SETD5: variants seen among roughly 807,000 people sequenced by gnomAD.
SETD5 encodes the protein histone-lysine N-methyltransferase SETD5.
In SETD5, 44 loss-of-function variants were observed where a neutral mutation model predicts 153.3. The ratio of observed to expected loss-of-function variants is 0.29; its 90% CI spans 0.23 to 0.37. SETD5 has a LOEUF of 0.37. SETD5 is among the 10% of genes least tolerant of loss of function. The pLI is 1.00. For synonymous variants in SETD5, 716 were observed against 645.2 expected (o/e 1.11, Z -1.66); for missense variants, 1,544 against 1,768.0 (o/e 0.87, Z 2.27).
At chr3:9,431,846 T>C (rs989226091) in intron 3 of SETD5, 1 of 408,774 alleles carries the variant, frequency 2.4e-6, no homozygotes, top group Middle Eastern at 1.2e-3. Flanking sequence ...CAAAAAAAAA[T>C]CCATTCCTAA....
chr3:9,455,142 C>T (rs961939586), intron 17 of SETD5, among the ~76,000 whole-genome samples: 1 of 145,130 alleles, frequency 6.9e-6, no homozygotes, highest in African/African-American at 2.5e-5. Flanking sequence ...TTTCAGAAAA[C>T]GTGAATTGCC....
At chr3:9,432,820 C>T (rs183975217) in intron 3 of SETD5, among the ~76,000 whole-genome samples, 2 of 152,302 alleles carry the variant, frequency 1.3e-5, no homozygotes, top group African/African-American at 4.8e-5. Context: ...TTTCTACTCA[C>T]AAAGGGTACA....
intron 7 of SETD5, among the ~76,000 whole-genome samples, chr3:9,436,554 T>A (rs985561670): frequency 3.3e-5 from 5 of 152,216 alleles, no homozygotes; most frequent in South Asian, 2.1e-4. Flanking sequence ...AGTTTTTTTT[T>A]ATTTACTTTT....
rs573246883 is a variant in SETD5, at chr3:9,404,704, A to G, written c.-177+6727A>G. On this transcript the variant is annotated intron_variant, in intron 1 of 22. Transcript: ENST00000402198. ...ACCCTCCCCCTTCCCAGATAATTAG[A>G]AATCTCTTCAGGGTAGCTTCCATTG... is the stretch of plus-strand genomic sequence containing the variant. 2.6e-5 allele frequency among the ~76,000 whole-genome samples: 4 copies of G among 152,294 alleles called. No homozygotes were observed. The East Asian group carries it at 7.7e-4, about 29-fold the overall frequency.
chr3:9,431,732 C>A, intron 3 of SETD5: 1 of 985,504 alleles, frequency 1.0e-6, no homozygotes, highest in South Asian at 4.7e-5. Context: ...TGCATATGTT[C>A]ATATTTACCC....
At chr3:9,400,482 C>T (rs2034587376) in intron 1 of SETD5, among the ~76,000 whole-genome samples, 1 of 152,146 alleles carries the variant, frequency 6.6e-6, no homozygotes, top group Admixed American at 6.5e-5. Context: ...GTGTCTCCAT[C>T]CTTTCGATTA....
chr3:9,402,077 A>G (rs1029179986), intron 1 of SETD5, among the ~76,000 whole-genome samples: 18 of 152,306 alleles, frequency 1.2e-4, no homozygotes, highest in African/African-American at 4.3e-4. Flanking sequence ...GGATTCTGGG[A>G]AGTTCATGAA....
At chr3:9,412,386 G>GT (rs1559356848) in intron 1 of SETD5, among the ~76,000 whole-genome samples, 24 of 114,546 alleles carry the variant, frequency 2.1e-4, no homozygotes, top group African/African-American at 6.2e-4. Flanking sequence ...CACAGTTTTG[G>GT]GTTTTTTTTT....
intron 1 of SETD5, among the ~76,000 whole-genome samples, chr3:9,405,513 AG>A (rs530424418): frequency 1.1e-3 from 171 of 152,270 alleles, no homozygotes; most frequent in African/African-American, 4.0e-3. Context: ...ACCCCCACAA[AG>A]GGGGAAATTT....
chr3:9,412,615 C>T (rs1225014742), intron 1 of SETD5, among the ~76,000 whole-genome samples: 2 of 151,676 alleles, frequency 1.3e-5, no homozygotes, highest in African/African-American at 2.4e-5. Context: ...ACTGTGTTGC[C>T]CAGGCTGGTC....
intron 13 of SETD5, 118 bp from the exon 14 acceptor site, chr3:9,446,932 G>A: frequency 3.0e-6 from 2 of 662,280 alleles, no homozygotes; most frequent in Non-Finnish European, 5.1e-6. Flanking sequence ...AGTTATATGT[G>A]TCATCTTACT....
intron 1 of SETD5, among the ~76,000 whole-genome samples, chr3:9,403,492 C>T (rs909609482): frequency 1.3e-5 from 2 of 152,118 alleles, no homozygotes; most frequent in East Asian, 1.9e-4. Context: ...AATAGTTGCT[C>T]GTAGTTGTCT....
chr3:9,455,294 C>T (rs1030174315), intron 17 of SETD5, among the ~76,000 whole-genome samples: 6 of 147,830 alleles, frequency 4.1e-5, no homozygotes, highest in Non-Finnish European at 7.4e-5. Flanking sequence ...TGAGTAGAGA[C>T]GGGGTTTCAC....
At chr3:9,465,232 A>C (rs2044414722) in intron 18 of SETD5, among the ~76,000 whole-genome samples, 1 of 152,214 alleles carries the variant, frequency 6.6e-6, no homozygotes, top group Non-Finnish European at 1.5e-5. Flanking sequence ...TGTCTTAGGA[A>C]TCAGAAGTAG....
intron 17 of SETD5, among the ~76,000 whole-genome samples, chr3:9,454,645 A>C (rs1180477909): frequency 6.7e-6 from 1 of 149,208 alleles, no homozygotes; most frequent in Non-Finnish European, 1.5e-5. Flanking sequence ...AAAAAAAAAA[A>C]AAAAACAAAT....
At chr3:9,452,530 C>T (rs1352143498) in intron 16 of SETD5, among the ~76,000 whole-genome samples, 3 of 152,054 alleles carry the variant, frequency 2.0e-5, no homozygotes, top group Non-Finnish European at 2.9e-5. Context: ...AAAATGTTTA[C>T]GTGATTCAAA....
At chr3:9,461,867 A>T (rs1361245514) in intron 17 of SETD5, among the ~76,000 whole-genome samples, 1 of 152,194 alleles carries the variant, frequency 6.6e-6, no homozygotes, top group Non-Finnish European at 1.5e-5. Context: ...TGAAATATTA[A>T]ATATATAAAA....
At chr3:9,459,233 C>A (rs1311972863) in intron 17 of SETD5, among the ~76,000 whole-genome samples, 4 of 152,054 alleles carry the variant, frequency 2.6e-5, no homozygotes, top group South Asian at 2.1e-4. Flanking sequence ...ATAATTAATT[C>A]TTAGTTATTA....
chr3:9,454,517 G>A (rs908989414), intron 17 of SETD5, among the ~76,000 whole-genome samples: 3 of 149,332 alleles, frequency 2.0e-5, no homozygotes, highest in East Asian at 2.0e-4. Context: ...CTAAACAGGA[G>A]GCTGAGGCAG....
Sources: gnomAD v4.1 joint callset for allele counts (sites outside exome capture counted in the v4.1 genomes callset) on GRCh38, gnomAD v4.1.1 for gene constraint, MANE v1.5 for transcripts, NCBI Gene and HGNC (gene_info 2026-07-23, HGNC 2026-07-21) for gene names.